Variants in PTPRD observed in about 807,000 individuals in gnomAD.
PTPRD encodes protein tyrosine phosphatase receptor type D, also known as receptor-type tyrosine-protein phosphatase delta.
Under a neutral mutation model 214.5 loss-of-function variants are expected in PTPRD, and 34 were observed. That is an observed-to-expected ratio of 0.16 (90% CI 0.12 to 0.21). PTPRD has a LOEUF of 0.21. Among genes scored for constraint, PTPRD ranks in the 10% least tolerant of loss-of-function variants. The probability of loss-of-function intolerance (pLI) is 1.00; values close to 1 mark genes in which losing one functional copy is unlikely to be tolerated. For missense variants in PTPRD, 2,545 were observed against 2,398.7 expected (o/e 1.06, Z -1.27); for synonymous variants, 1,128 against 845.7 (o/e 1.33, Z -5.79).
chr9:9,408,847 T>C (rs2074438498), intron 8 of PTPRD, among the ~76,000 whole-genome samples: 1 of 151,916 alleles, frequency 6.6e-6, no homozygotes, highest in South Asian at 2.1e-4. Context: ...ATTTTCTTTT[T>C]CCTGTCATTC....
chr9:8,695,992 C>T (rs929210646), intron 12 of PTPRD, among the ~76,000 whole-genome samples: 1 of 152,166 alleles, frequency 6.6e-6, no homozygotes, highest in African/African-American at 2.4e-5. Context: ...ACTCCTTACC[C>T]TATATAGGAT....
intron 14 of PTPRD, among the ~76,000 whole-genome samples, chr9:8,544,429 T>C (rs1312631767): frequency 6.7e-6 from 1 of 150,366 alleles, no homozygotes; most frequent in Non-Finnish European, 1.5e-5. Flanking sequence ...GCCATTGATA[T>C]GAGCAGGAAT....
At chr9:9,075,805 T>A (rs1479187432) in intron 10 of PTPRD, among the ~76,000 whole-genome samples, 2 of 152,208 alleles carry the variant, frequency 1.3e-5, no homozygotes, top group African/African-American at 4.8e-5. Flanking sequence ...TAATTCAGTC[T>A]TTCATTGATG....
At chr9:9,537,755 T>G (rs1031882833) in intron 8 of PTPRD, among the ~76,000 whole-genome samples, 4 of 152,048 alleles carry the variant, frequency 2.6e-5, no homozygotes, top group Non-Finnish European at 4.4e-5. Context: ...AGCTTAAAAG[T>G]AACTGATATT....
chr9:9,635,131 T>C (rs897033889), intron 7 of PTPRD, among the ~76,000 whole-genome samples: 33 of 152,196 alleles, frequency 2.2e-4, no homozygotes, highest in Admixed American at 9.2e-4. Flanking sequence ...GAAGGACATC[T>C]GTAGCCACAC....
At chr9:10,188,040 A>G (rs1237523468) in intron 3 of PTPRD, among the ~76,000 whole-genome samples, 2 of 152,184 alleles carry the variant, frequency 1.3e-5, no homozygotes, top group African/African-American at 2.4e-5. Context: ...GCAACACTTT[A>G]ATACACCATT....
At chr9:10,303,046 A>G (rs2095916310) in intron 3 of PTPRD, among the ~76,000 whole-genome samples, 1 of 152,144 alleles carries the variant, frequency 6.6e-6, no homozygotes, top group Non-Finnish European at 1.5e-5. Flanking sequence ...AACAATAGCA[A>G]TCATAACAAA....
chr9:9,622,523 A>C (rs965445948), intron 7 of PTPRD, among the ~76,000 whole-genome samples: 1 of 152,202 alleles, frequency 6.6e-6, no homozygotes, highest in Admixed American at 6.5e-5. Context: ...TTGTCCACAA[A>C]ATCTCATACT....
intron 35 of PTPRD, among the ~76,000 whole-genome samples, chr9:8,406,871 A>G (rs2093033408): frequency 6.6e-6 from 1 of 152,212 alleles, no homozygotes; most frequent in Admixed American, 6.5e-5. Context: ...TGGATACATA[A>G]GCTTCTTACA....
chr9:8,989,446 G>C (rs1303193831), intron 11 of PTPRD, among the ~76,000 whole-genome samples: 1 of 152,034 alleles, frequency 6.6e-6, no homozygotes, highest in Non-Finnish European at 1.5e-5. Flanking sequence ...ATATGAGTGA[G>C]AATATGTGAT....
chr9:8,834,338 A>G (rs2154530697), intron 11 of PTPRD, among the ~76,000 whole-genome samples: 1 of 152,252 alleles, frequency 6.6e-6, no homozygotes, highest in Admixed American at 6.5e-5. Flanking sequence ...TGAAGTGTAA[A>G]AATCTGATGA....
chr9:8,903,324 T>G (rs761181904), intron 11 of PTPRD, among the ~76,000 whole-genome samples: 14 of 152,142 alleles, frequency 9.2e-5, no homozygotes, highest in Non-Finnish European at 1.6e-4. Flanking sequence ...ACTAAGCAAC[T>G]GACTGACTCA....
intron 9 of PTPRD, among the ~76,000 whole-genome samples, chr9:9,187,807 TTG>T (rs1204900236): frequency 2.0e-5 from 3 of 151,950 alleles, no homozygotes; most frequent in South Asian, 2.1e-4. Context: ...TTGTGTTATG[TTG>T]TGTGTGTGTT....
chr9:8,395,907 A>C (rs1195955081), intron 36 of PTPRD, among the ~76,000 whole-genome samples: 1 of 151,028 alleles, frequency 6.6e-6, no homozygotes, highest in East Asian at 1.9e-4. Flanking sequence ...CCTGTGATAG[A>C]GGGGCGTGCT....
chr9:9,669,518 A>T (rs2096785877), intron 7 of PTPRD, among the ~76,000 whole-genome samples: 1 of 152,300 alleles, frequency 6.6e-6, no homozygotes, highest in Non-Finnish European at 1.5e-5. Flanking sequence ...CATTAAACAC[A>T]TTTTGAAAAT....
intron 7 of PTPRD, among the ~76,000 whole-genome samples, chr9:9,715,668 C>T (rs1032040560): frequency 1.3e-5 from 2 of 152,080 alleles, no homozygotes; most frequent in South Asian, 2.1e-4. Context: ...GAAAATAATA[C>T]ATCGCAGTAT....
intron 11 of PTPRD, among the ~76,000 whole-genome samples, chr9:8,858,492 G>A (rs900966028): frequency 6.6e-6 from 1 of 152,054 alleles, no homozygotes; most frequent in Admixed American, 6.5e-5. Flanking sequence ...GGGGAGGGGG[G>A]AAAATTAAAC....
chr9:9,065,478 G>A (rs7026475), intron 10 of PTPRD, among the ~76,000 whole-genome samples: 33,991 of 152,046 alleles, frequency 0.22, 4,059 homozygotes, highest in African/African-American at 0.3. Flanking sequence ...ATAGGGAAGT[G>A]GGAGTAAGAT....
At position 9,828,292 on chromosome 9, in the gene PTPRD, G is replaced by A. The variant is rs576540299; in HGVS notation, c.-367-61441C>T. ...ATGATAGACTGGATTAAGAAAATGT[G>A]GCACATATACATCATGGAATACTAT... On this transcript the variant is annotated intron_variant, in intron 5 of 45. Transcript: ENST00000381196. Among the ~76,000 whole-genome samples, 6 of 152,190 alleles carry A rather than the reference G, an allele frequency of 3.9e-5. No individual in the cohort carries two copies. The East Asian group carries it at 9.6e-4, about 24-fold the overall frequency.
Sources: allele counts gnomAD v4.1 joint callset (sites outside exome capture counted in the v4.1 genomes callset), GRCh38; gene constraint gnomAD v4.1.1; transcripts MANE v1.5; gene names NCBI Gene and HGNC (gene_info 2026-07-23, HGNC 2026-07-21).